The following OSCP1 variants were observed in gnomAD, a reference collection of about 807,000 sequenced individuals.
OSCP1 encodes protein OSCP1.
OSCP1 carries 35 observed loss-of-function variants against 45.1 expected under a neutral mutation model. That is an observed-to-expected ratio of 0.78 (90% CI 0.59 to 1.03). The LOEUF (loss-of-function observed/expected upper bound fraction) is 1.03. OSCP1 is among the 50% of genes least tolerant of loss of function. OSCP1 has a pLI of 0.00. For missense variants in OSCP1, 400 were observed against 470.7 expected, an observed-to-expected ratio of 0.85 and a Z score of 1.39; for synonymous variants, 179 against 180.1, an observed-to-expected ratio of 0.99 and a Z score of 0.05.
intron 4 of OSCP1, among the ~76,000 whole-genome samples, chr1:36,426,083 C>T (rs940342377): frequency 2.0e-5 from 3 of 152,176 alleles, no homozygotes; most frequent in Admixed American, 1.3e-4. Flanking sequence ...TGCTGGATGA[C>T]GTTTAAGACA....
At chr1:36,436,284 G>C (rs1415933923) in intron 2 of OSCP1, among the ~76,000 whole-genome samples, 1 of 145,046 alleles carries the variant, frequency 6.9e-6, no homozygotes, top group Non-Finnish European at 1.5e-5. Flanking sequence ...TTTTTTTTTT[G>C]TATTTTTAGT....
Position 36,432,407 on chromosome 1 carries a change from T to C in OSCP1, c.435+15A>G, listed in dbSNP as rs1648424585. The C allele has an allele frequency of 1.9e-6, 3 of 1,612,998 alleles. No individual in the cohort carries two copies. In the South Asian group the frequency reaches 3.3e-5, roughly 18 times the overall value. ...GTACTGGGGCTGAGAGGCGAGACAC[T>C]GATGGCACTCTTACTTCTGTCAGCT... On this transcript the variant is annotated intron_variant, in intron 3 of 9. Transcript: ENST00000235532.
At position 36,434,280 on chromosome 1, in the gene OSCP1, T is replaced by G. The variant is rs1184665316; in HGVS notation, c.268-1691A>C. 2.0e-5 allele frequency among the ~76,000 whole-genome samples: 3 copies of G among 152,314 alleles called. No homozygotes were observed. The East Asian group carries it at 5.8e-4, about 29-fold the overall frequency. On this transcript the variant is annotated intron_variant, in intron 2 of 9. Transcript: ENST00000235532. ...TATTCTTCACAAGAACTCTATGAGG[T>G]AGGTATTAGCCCAGTTTAATAATGA...
Position 36,418,106 on chromosome 1 carries a change from T to C in OSCP1, c.*33A>G, listed in dbSNP as rs766049771. 31 of 1,591,400 alleles carry C rather than the reference T, an allele frequency of 1.9e-5. No individual in the cohort carries two copies. The highest frequency in any genetic ancestry group is 2.6e-5 in the Non-Finnish European group (30 of 1,160,444). On this transcript the variant is annotated 3_prime_UTR_variant, in exon 10 of 10. Coordinates refer to ENST00000235532, the MANE Select transcript of OSCP1 (RefSeq NM_145047.5). Reference sequence around the variant, plus strand: ...CCAGGGGTCACCATCCAGCAGCCTCTCCCTGGGGGCAGAGGACGCCTGGTC... The same window carrying C: ...CCAGGGGTCACCATCCAGCAGCCTCCCCCTGGGGGCAGAGGACGCCTGGTC...
At chr1:36,449,505 C>T (rs1649747262) in intron 1 of OSCP1, among the ~76,000 whole-genome samples, 3 of 151,960 alleles carry the variant, frequency 2.0e-5, no homozygotes, top group Non-Finnish European at 4.4e-5. Context: ...GACCAATCTC[C>T]AGCTTATGTG....
rs550741082 is a variant in OSCP1, at chr1:36,418,888, A to G, written c.1023+103T>C. On this transcript the variant is annotated intron_variant, in intron 9 of 9. Coordinates refer to ENST00000235532, the MANE Select transcript of OSCP1 (RefSeq NM_145047.5). ...AGTTGCGGTAAGCTGAGATCAAGCCACTGCACTTCACCTGGGTGACAGAGC... is the reference window on the plus strand; with the variant it reads ...AGTTGCGGTAAGCTGAGATCAAGCCGCTGCACTTCACCTGGGTGACAGAGC... 6.3e-6 allele frequency: 6 copies of G among 949,972 alleles called. No individual in the cohort carries two copies. In the South Asian group the frequency reaches 7.5e-5, roughly 12 times the overall value. 58.8% of individuals were successfully genotyped at this position (949,972 alleles called of 1,614,324 possible). A position where few individuals can be genotyped will look rare whatever the true frequency, so the allele number is the denominator to read the frequency against.
intron 4 of OSCP1, among the ~76,000 whole-genome samples, chr1:36,424,463 C>G (rs2124778154): frequency 6.6e-6 from 1 of 152,292 alleles, no homozygotes; most frequent in South Asian, 2.1e-4. Flanking sequence ...CTGTAAGAAC[C>G]TCATATGGCC....
chr1:36,431,704 TG>T, intron 4 of OSCP1, 97 bp downstream of exon 4: 1 of 1,170,884 alleles, frequency 8.5e-7, no homozygotes, highest in Non-Finnish European at 1.2e-6. Context: ...CATCACTAAC[TG>T]GGCAAAATCT....
intron 1 of OSCP1, among the ~76,000 whole-genome samples, chr1:36,448,516 T>C (rs550989195): frequency 2.0e-4 from 30 of 152,278 alleles, no homozygotes; most frequent in African/African-American, 4.8e-4. Flanking sequence ...AAGCGGGAGA[T>C]AGACATATAC....
chr1:36,426,021 GGT>G (rs1647943632), intron 4 of OSCP1, among the ~76,000 whole-genome samples: 1 of 152,138 alleles, frequency 6.6e-6, no homozygotes, highest in Non-Finnish European at 1.5e-5. Flanking sequence ...GAGATGAGCA[GGT>G]GTGAGTCACG....
intron 4 of OSCP1, chr1:36,428,502 A>G: frequency 6.3e-7 from 1 of 1,591,648 alleles, no homozygotes; most frequent in Non-Finnish European, 8.5e-7. Context: ...AAATACATAT[A>G]TGTTACATAT....
chr1:36,422,701 C>CTT lies in OSCP1; in HGVS notation c.749+65_749+66dup, dbSNP rs35889349. ...TCATAGCAGAAGTCTGGCTGTTTCT[C>CTT]TTTTTTTTTTTTTAAATGAAGTGAC... On this transcript the variant is annotated intron_variant, in intron 6 of 9. Coordinates refer to ENST00000235532, the MANE Select transcript of OSCP1 (RefSeq NM_145047.5). The CTT allele has an allele frequency of 6.4e-3, 7,619 of 1,198,726 alleles. 1 individual carries two copies. The highest frequency in any genetic ancestry group is 7.3e-3 in the South Asian group (344 of 47,020). 74.3% of individuals were successfully genotyped at this position (1,198,726 alleles called of 1,614,324 possible).
intron 4 of OSCP1, among the ~76,000 whole-genome samples, chr1:36,430,814 C>T (rs1484894264): frequency 6.6e-6 from 1 of 152,108 alleles, no homozygotes; most frequent in Non-Finnish European, 1.5e-5. Context: ...GCCACCATGC[C>T]CGGCTCACTT....
In OSCP1 at chr1:36,431,791, T is replaced by C. The variant is rs1648377409; in HGVS notation, c.516+11A>G. The C allele has an allele frequency of 6.2e-7, 1 of 1,613,026 alleles. No individual in the cohort carries two copies. The highest frequency in any genetic ancestry group is 8.5e-7 in the Non-Finnish European group (1 of 1,179,614). The stretch of plus-strand genomic sequence containing the variant: ...GCTCCTGAGTGTTCCCAGGGCTGCC[T>C]ATTGACTTACTCGGATGTGCAGGTC... On this transcript the variant is annotated intron_variant, in intron 4 of 9. Transcript: ENST00000235532.
rs147199127 is a variant in OSCP1 at position 36,421,522 on chromosome 1, C to G, written c.819+628G>C. ...GGCACAGCACTTTGTGCAGGATCCC[C>G]AGCCAGCCCTTCCTCCACCTCATTT... On this transcript the variant is annotated intron_variant, in intron 7 of 9. Transcript: ENST00000235532. Among the ~76,000 whole-genome samples the G allele has an allele frequency of 3.6e-3, 555 of 152,334 alleles. 6 individuals are homozygous for G. The highest frequency in any genetic ancestry group is 0.012 in the African/African-American group (511 of 41,570).
chr1:36,422,273 T>C, intron 6 of OSCP1, 54 bp from the exon 7 acceptor site: 1 of 1,484,590 alleles, frequency 6.7e-7, no homozygotes, highest in Non-Finnish European at 9.4e-7. Flanking sequence ...CACGGACTTC[T>C]CTCTAACTCG....
rs1243046445 is a variant in OSCP1, at chr1:36,423,466, C to T, written c.517G>A (p.Val173Ile). 1 of 1,595,282 alleles carries T rather than the reference C, an allele frequency of 6.3e-7. No homozygotes were observed. Among genetic ancestry groups the T allele is most frequent in the East Asian group, 2.2e-5 (1 of 44,722 alleles). ...ACTTTGTCCTTTAGAAACATGGATA[C>T]CTGGAAAAAAATACATTTATTGTCA... ...LIFFQDLHIR[V>I]SMFLKDKVQN... The change falls in exon 5 of 10, where the codon GTA (valine) becomes ATA (isoleucine). Residue 173 changes from valine to isoleucine, a missense_variant and splice_region_variant. Physicochemically the swap from Val to Ile is conservative, Grantham distance 29. Coordinates refer to ENST00000235532, the MANE Select transcript of OSCP1 (RefSeq NM_145047.5).
At chr1:36,442,764 A>G (rs1649279269) in intron 1 of OSCP1, among the ~76,000 whole-genome samples, 1 of 152,050 alleles carries the variant, frequency 6.6e-6, no homozygotes, top group East Asian at 1.9e-4. Flanking sequence ...GCATTATCTC[A>G]TTTAAACTCC....
chr1:36,445,588 T>A (rs1023560753), intron 1 of OSCP1, among the ~76,000 whole-genome samples: 11 of 152,224 alleles, frequency 7.2e-5, no homozygotes, highest in Non-Finnish European at 1.3e-4. Flanking sequence ...AAATTCACCA[T>A]CTTCCCCCAT....
Sources: allele counts gnomAD v4.1 joint callset (sites outside exome capture counted in the v4.1 genomes callset), GRCh38; gene constraint gnomAD v4.1.1; transcripts MANE v1.5; gene names NCBI Gene and HGNC (gene_info 2026-07-23, HGNC 2026-07-21).